OXR1: variants seen among roughly 807,000 people sequenced by gnomAD.
The protein encoded by OXR1 is oxidation resistance 1, also known as oxidation resistance protein 1.
Under a neutral mutation model 104.6 loss-of-function variants are expected in OXR1, and 41 were observed. That is an observed-to-expected ratio of 0.39 (90% CI 0.31 to 0.51). The LOEUF is 0.51. Among genes scored for constraint, OXR1 ranks in the 20% least tolerant of loss-of-function variants. OXR1 has a pLI of 0.77. For missense variants in OXR1, 955 were observed against 1,031.9 expected (o/e 0.93, Z 1.02); for synonymous variants, 348 against 348.4 (o/e 1.00, Z 0.01).
At chr8:106,663,333 T>C (rs1825955918) in intron 3 of OXR1, among the ~76,000 whole-genome samples, 1 of 152,224 alleles carries the variant, frequency 6.6e-6, no homozygotes, top group Non-Finnish European at 1.5e-5. Context: ...GGGAAAAATG[T>C]GAGAAGAATT....
intron 1 of OXR1, among the ~76,000 whole-genome samples, chr8:106,331,002 A>T (rs2130224764): frequency 6.6e-6 from 1 of 152,334 alleles, no homozygotes; most frequent in East Asian, 1.9e-4. Flanking sequence ...AAGAGAAATA[A>T]AGTTTTATTA....
At chr8:106,589,928 A>G (rs1408180224) in intron 3 of OXR1, among the ~76,000 whole-genome samples, 1 of 151,984 alleles carries the variant, frequency 6.6e-6, no homozygotes, top group Non-Finnish European at 1.5e-5. Flanking sequence ...CAGCCTCCCA[A>G]AGTGTTGGGA....
intron 2 of OXR1, among the ~76,000 whole-genome samples, chr8:106,445,436 G>A (rs1272878645): frequency 6.6e-6 from 1 of 152,146 alleles, no homozygotes; most frequent in East Asian, 1.9e-4. Context: ...TCTGGTGCCT[G>A]CAGTTTGAGA....
chr8:106,407,870 T>A (rs963651463), intron 2 of OXR1, among the ~76,000 whole-genome samples: 1 of 152,182 alleles, frequency 6.6e-6, no homozygotes, highest in Non-Finnish European at 1.5e-5. Context: ...AAATTCAGTT[T>A]AAGCATCATA....
chr8:106,493,304 C>G (rs1005102971), intron 2 of OXR1, among the ~76,000 whole-genome samples: 1 of 152,086 alleles, frequency 6.6e-6, no homozygotes, highest in African/African-American at 2.4e-5. Context: ...TACCTGTATT[C>G]CCTGCAGGTG....
chr8:106,301,087 A>G (rs1460989016), intron 1 of OXR1, among the ~76,000 whole-genome samples: 2 of 152,228 alleles, frequency 1.3e-5, no homozygotes, highest in Admixed American at 6.5e-5. Context: ...AGATGCGGCT[A>G]TAAACCAGCA....
chr8:106,358,967 T>C (rs1816114038), intron 1 of OXR1, among the ~76,000 whole-genome samples: 1 of 152,182 alleles, frequency 6.6e-6, no homozygotes. Flanking sequence ...ATTTAGCGAA[T>C]AATTTAATTC....
chr8:106,676,851 A>G (rs904967338), intron 3 of OXR1, among the ~76,000 whole-genome samples: 2 of 152,082 alleles, frequency 1.3e-5, no homozygotes, highest in Non-Finnish European at 2.9e-5. Context: ...TGTTTTTATA[A>G]TATGTAATTA....
intron 2 of OXR1, among the ~76,000 whole-genome samples, chr8:106,370,364 T>G (rs939904933): frequency 1.3e-5 from 2 of 152,194 alleles, no homozygotes; most frequent in African/African-American, 4.8e-5. Context: ...CTTGACTTCC[T>G]CTCTTCCTAG....
At chr8:106,397,364 C>T (rs377120421) in intron 2 of OXR1, among the ~76,000 whole-genome samples, 6 of 152,032 alleles carry the variant, frequency 3.9e-5, no homozygotes, top group African/African-American at 1.2e-4. Context: ...ACAACTATAG[C>T]GTACATGGGT....
At chr8:106,472,261 A>G (rs1821531458) in intron 2 of OXR1, among the ~76,000 whole-genome samples, 1 of 151,842 alleles carries the variant, frequency 6.6e-6, no homozygotes, top group Non-Finnish European at 1.5e-5. Flanking sequence ...GTAATATGTT[A>G]TAGGCAAACA....
intron 2 of OXR1, among the ~76,000 whole-genome samples, chr8:106,484,964 A>G (rs1367081108): frequency 6.6e-6 from 1 of 152,074 alleles, no homozygotes; most frequent in African/African-American, 2.4e-5. Flanking sequence ...AATAAACTGT[A>G]ATACAGCCAA....
intron 1 of OXR1, among the ~76,000 whole-genome samples, chr8:106,287,238 T>A (rs889563615): frequency 6.6e-6 from 1 of 152,202 alleles, no homozygotes; most frequent in East Asian, 1.9e-4. Context: ...GAAACATGTA[T>A]AAATTAGGAT....
intron 3 of OXR1, among the ~76,000 whole-genome samples, chr8:106,550,419 C>G (rs1054181124): frequency 2.6e-5 from 4 of 152,122 alleles, no homozygotes; most frequent in Admixed American, 6.6e-5. Flanking sequence ...GGGGTAAGAC[C>G]TCCAGAAGCC....
intron 1 of OXR1, among the ~76,000 whole-genome samples, chr8:106,332,137 A>T (rs1317718661): frequency 6.6e-6 from 1 of 151,928 alleles, no homozygotes; most frequent in Admixed American, 6.6e-5. Context: ...TATTAAATCA[A>T]GTCACGTATT....
intron 2 of OXR1, among the ~76,000 whole-genome samples, chr8:106,514,622 A>T (rs1003432394): frequency 3.9e-5 from 6 of 152,148 alleles, no homozygotes; most frequent in Non-Finnish European, 7.4e-5. Flanking sequence ...TACGGAGAAT[A>T]TAAAAAGGGC....
chr8:106,614,027 A>G (rs150793846), intron 3 of OXR1, among the ~76,000 whole-genome samples: 10 of 152,320 alleles, frequency 6.6e-5, no homozygotes, highest in Non-Finnish European at 1.5e-4. Flanking sequence ...ACACACTACA[A>G]GTGAAATTCA....
At chr8:106,275,741 T>A (rs549055920) in intron 1 of OXR1, among the ~76,000 whole-genome samples, 8 of 152,164 alleles carry the variant, frequency 5.3e-5, no homozygotes, top group Non-Finnish European at 1.2e-4. Flanking sequence ...TGTGAGAATT[T>A]TATCAAACAC....
chr8:106,518,775 T>A (rs1480021470), intron 2 of OXR1, among the ~76,000 whole-genome samples, 168 bp from the exon 3 acceptor site: 1 of 152,230 alleles, frequency 6.6e-6, no homozygotes, highest in Non-Finnish European at 1.5e-5. Context: ...TTCAAAAATA[T>A]TTGTAGAATT....
Sources: gnomAD v4.1 joint callset for allele counts (sites outside exome capture counted in the v4.1 genomes callset) on GRCh38, gnomAD v4.1.1 for gene constraint, MANE v1.5 for transcripts, NCBI Gene and HGNC (gene_info 2026-07-23, HGNC 2026-07-21) for gene names.